Variants in VWA3A observed in about 807,000 individuals in gnomAD.
The protein encoded by VWA3A is von Willebrand factor A domain-containing protein 3A.
VWA3A carries 134 observed loss-of-function variants against 160.4 expected under a neutral mutation model. The ratio of observed to expected loss-of-function variants is 0.84; its 90% CI spans 0.73 to 0.96. VWA3A has a LOEUF of 0.96. VWA3A is among the 40% of genes least tolerant of loss of function. VWA3A has a pLI of 0.00. For synonymous variants in VWA3A, 476 were observed against 543.4 expected, an observed-to-expected ratio of 0.88 and a Z score of 1.72; for missense variants, 1,310 against 1,447.9, an observed-to-expected ratio of 0.90 and a Z score of 1.55.
chr16:22,108,844 TATG>T (rs2045515192), intron 6 of VWA3A, among the ~76,000 whole-genome samples: 1 of 152,192 alleles, frequency 6.6e-6, no homozygotes, highest in South Asian at 2.1e-4. Flanking sequence ...TTTTTCCACT[TATG>T]ATGGGTTTAT....
intron 8 of VWA3A, 95 bp from the exon 9 acceptor site, chr16:22,115,252 G>A (rs1360393824): frequency 2.2e-5 from 30 of 1,380,446 alleles, no homozygotes; most frequent in Non-Finnish European, 2.9e-5. Context: ...CTTCAGCCTG[G>A]GTAACACAGC....
chr16:22,147,479 G>A lies in VWA3A; in HGVS notation c.2840-683G>A, dbSNP rs570435695. On this transcript the variant is annotated intron_variant, in intron 27 of 33. Coordinates refer to ENST00000389398, the MANE Select transcript of VWA3A (RefSeq NM_173615.5). ...GGCTATGGGGCCTGGAGGGTTTCTG[G>A]GGCATCAGGAGGAGGGAGGAAGGGA... is the stretch of plus-strand genomic sequence containing the variant. 1.2e-3 allele frequency: 805 copies of A among 674,054 alleles called. 6 individuals carry two copies. Among genetic ancestry groups the A allele is most frequent in the Non-Finnish European group, 1.5e-4 (55 of 366,460 alleles). The allele number at this position is 674,054 out of a possible 1,614,324, so 41.8% of individuals were successfully genotyped here.
intron 17 of VWA3A, among the ~76,000 whole-genome samples, chr16:22,129,913 C>T (rs1373814162): frequency 3.9e-5 from 6 of 151,990 alleles, no homozygotes; most frequent in African/African-American, 9.7e-5. Context: ...GAAGGTCGGG[C>T]GCGGTGGCTC....
rs572543549 is a variant in VWA3A, at chr16:22,149,866, G to A, written c.3064G>A (p.Glu1022Lys). The change falls in exon 29 of 34, where the codon GAG becomes AAG. Residue 1022 changes from glutamate to lysine, a missense_variant. Transcript: ENST00000389398. The part of the protein sequence containing the change: ...LVETTDAACH[E>K]AMQWVTHLQA... ...GGAGACCACAGATGCAGCGTGTCAT[G>A]AGGCTATGCAATGGGTGACCCACCT... The A allele has an allele frequency of 1.2e-6, 2 of 1,612,832 alleles. No homozygotes were observed. Among genetic ancestry groups the A allele is most frequent in the South Asian group, 1.1e-5 (1 of 90,854 alleles).
intron 8 of VWA3A, 116 bp from the exon 9 acceptor site, chr16:22,115,231 G>A: frequency 8.4e-7 from 1 of 1,190,988 alleles, no homozygotes; most frequent in Non-Finnish European, 1.1e-6. Flanking sequence ...AGCTATGATT[G>A]CACCACTGCA....
At chr16:22,095,569 T>C (rs2045306163) in intron 1 of VWA3A, among the ~76,000 whole-genome samples, 1 of 152,136 alleles carries the variant, frequency 6.6e-6, no homozygotes, top group Non-Finnish European at 1.5e-5. Context: ...TTTTTGTTTA[T>C]TTTTTAGAAA....
intron 25 of VWA3A, among the ~76,000 whole-genome samples, 162 bp downstream of exon 25, chr16:22,142,927 G>A (rs2046179619): frequency 6.6e-6 from 1 of 152,020 alleles, no homozygotes; most frequent in Admixed American, 6.6e-5. Flanking sequence ...GAGGTGGGTG[G>A]ATCACTTGAG....
At chr16:22,138,021 T>C (rs922212116) in intron 21 of VWA3A, among the ~76,000 whole-genome samples, 1 of 152,168 alleles carries the variant, frequency 6.6e-6, no homozygotes, top group African/African-American at 2.4e-5. Context: ...AACTCTGTGA[T>C]GACAGCTTCA....
At chr16:22,126,949 AG>A (rs2045860514) in intron 17 of VWA3A, among the ~76,000 whole-genome samples, 2 of 51,724 alleles carry the variant, frequency 3.9e-5, no homozygotes. Context: ...AATACAACAA[AG>A]ATCAGAGAGG....
chr16:22,106,005 T>A (rs1177283574), intron 6 of VWA3A, among the ~76,000 whole-genome samples: 3 of 152,174 alleles, frequency 2.0e-5, no homozygotes, highest in Admixed American at 2.0e-4. Context: ...TGACCAATAC[T>A]AAGGTCCTGC....
intron 13 of VWA3A, 76 bp from the exon 14 acceptor site, chr16:22,121,438 T>C (rs1224901601): frequency 1.6e-6 from 2 of 1,222,756 alleles, no homozygotes; most frequent in East Asian, 2.3e-5. Flanking sequence ...AGCAAAACCC[T>C]GTCTCAAAAA....
intron 15 of VWA3A, 28 bp from the exon 16 acceptor site, chr16:22,123,584 GC>G: frequency 6.2e-7 from 1 of 1,613,704 alleles, no homozygotes; most frequent in East Asian, 2.2e-5. Flanking sequence ...CCTTTGAGCA[GC>G]CGCTCACTGT....
chr16:22,150,607 G>A lies in VWA3A; in HGVS notation c.3130-88G>A, dbSNP rs886427758. Reference sequence around the variant, plus strand: ...CAATCAGATGCATTTTGGCAGAGGCGGCAGCAGGCACTACCTTTAGGCATT... The same window carrying A: ...CAATCAGATGCATTTTGGCAGAGGCAGCAGCAGGCACTACCTTTAGGCATT... On this transcript the variant is annotated intron_variant, in intron 29 of 33. Transcript: ENST00000389398. 4.1e-6 allele frequency: 6 copies of A among 1,452,102 alleles called. No individual in the cohort carries two copies. The South Asian group carries it at 4.3e-5, about 10-fold the overall frequency. The allele number at this position is 1,452,102 out of a possible 1,614,324, so 90.0% of individuals were successfully genotyped here. A position where few individuals can be genotyped will look rare whatever the true frequency, so the allele number is the denominator to read the frequency against.
chr16:22,132,824 C>T, intron 19 of VWA3A, 76 bp from the exon 20 acceptor site: 1 of 1,449,640 alleles, frequency 6.9e-7, no homozygotes, highest in South Asian at 1.3e-5. Flanking sequence ...GAAACATGGC[C>T]AGGCTGGGCT....
In VWA3A at chr16:22,141,586, G is replaced by A. The variant is rs765808013; in HGVS notation, c.2388G>A (p.Ala796=). 27 of 1,609,766 alleles carry A rather than the reference G, an allele frequency of 1.7e-5. No individual in the cohort carries two copies. The highest frequency in any genetic ancestry group is 1.5e-4 in the African/African-American group (11 of 74,806). ...AACAAGCCAAATGTTCCTCAGCTGC[G>A]GCCCAGCCAACGAAAGAAGGGATGA... ...LSSRVGISPA[A]AQPTKEGMME... Residue 796 remains alanine (A), a synonymous_variant, in exon 24 of 34, where the codon GCG becomes GCA. Coordinates refer to ENST00000389398, the MANE Select transcript of VWA3A (RefSeq NM_173615.5).
intron 13 of VWA3A, 81 bp from the exon 14 acceptor site, chr16:22,121,433 A>T: frequency 8.5e-7 from 1 of 1,175,094 alleles, no homozygotes. Flanking sequence ...GACAGAGCAA[A>T]ACCCTGTCTC....
chr16:22,107,952 T>C (rs1239031068), intron 6 of VWA3A, among the ~76,000 whole-genome samples: 1 of 152,162 alleles, frequency 6.6e-6, no homozygotes, highest in Non-Finnish European at 1.5e-5. Context: ...GAGAATATAG[T>C]GTCCTGGAAG....
At chr16:22,098,287 C>A (rs1034418176) in intron 3 of VWA3A, among the ~76,000 whole-genome samples, 2 of 152,094 alleles carry the variant, frequency 1.3e-5, no homozygotes, top group Non-Finnish European at 2.9e-5. Flanking sequence ...AAATGATAGT[C>A]AAAAACAATA....
At chr16:22,134,648 G>A (rs1190900052) in intron 21 of VWA3A, among the ~76,000 whole-genome samples, 3 of 150,320 alleles carry the variant, frequency 2.0e-5, no homozygotes, top group African/African-American at 4.9e-5. Context: ...CTGGCTTCTG[G>A]TGGCAATTGG....
Sources: allele counts gnomAD v4.1 joint callset (sites outside exome capture counted in the v4.1 genomes callset), GRCh38; gene constraint gnomAD v4.1.1; transcripts MANE v1.5; gene names NCBI Gene and HGNC (gene_info 2026-07-23, HGNC 2026-07-21).